FOXP1: variants seen among roughly 807,000 people sequenced by gnomAD.
The protein encoded by FOXP1 is forkhead box P1.
In FOXP1, 15 loss-of-function variants were observed where a neutral mutation model predicts 98.2. The observed-to-expected ratio is 0.15, with a 90% confidence interval of 0.10 to 0.24. The LOEUF (loss-of-function observed/expected upper bound fraction) is 0.24. Ranked by LOEUF, FOXP1 falls within the 10% of genes least tolerant of loss-of-function variation. FOXP1 has a pLI of 1.00. For missense variants in FOXP1, 633 were observed against 848.5 expected, an observed-to-expected ratio of 0.75 and a Z score of 3.15; for synonymous variants, 371 against 314.5, an observed-to-expected ratio of 1.18 and a Z score of -1.90.
chr3:71,168,367 CTTTG>C (rs1421306908), intron 6 of FOXP1, among the ~76,000 whole-genome samples: 1 of 151,998 alleles, frequency 6.6e-6, no homozygotes, highest in East Asian at 1.9e-4. Context: ...AATCTATTAA[CTTTG>C]TTTTCTTTTT....
chr3:71,103,470 G>A (rs560340634), intron 7 of FOXP1, among the ~76,000 whole-genome samples: 2 of 152,274 alleles, frequency 1.3e-5, no homozygotes, highest in South Asian at 2.1e-4. Flanking sequence ...CTGTCTCACC[G>A]TGTTGTGTGG....
At chr3:71,484,600 C>T (rs1324992227) in intron 3 of FOXP1, among the ~76,000 whole-genome samples, 1 of 152,216 alleles carries the variant, frequency 6.6e-6, no homozygotes, top group Non-Finnish European at 1.5e-5. Flanking sequence ...GATGACACCA[C>T]TGTCCCCATT....
intron 7 of FOXP1, chr3:71,065,021 ACACCCCGCGC>A (rs1258826186): frequency 7.2e-6 from 1 of 139,198 alleles, no homozygotes; most frequent in Admixed American, 7.0e-5. Flanking sequence ...CCGCCTCTAA[ACACCCCGCGC>A]CGCGCCGCGC....
At chr3:71,300,634 T>C (rs1257722432) in intron 4 of FOXP1, among the ~76,000 whole-genome samples, 1 of 152,196 alleles carries the variant, frequency 6.6e-6, no homozygotes, top group Non-Finnish European at 1.5e-5. Context: ...GCTGCCTCTT[T>C]CTGCCCATGT....
At chr3:71,578,218 G>A (rs2047879598) in intron 2 of FOXP1, among the ~76,000 whole-genome samples, 1 of 152,194 alleles carries the variant, frequency 6.6e-6, no homozygotes, top group East Asian at 1.9e-4. Context: ...ATTATCGGGA[G>A]AGCAAAGGGC....
At chr3:71,501,160 C>T (rs2041310247) in intron 2 of FOXP1, among the ~76,000 whole-genome samples, 1 of 152,110 alleles carries the variant, frequency 6.6e-6, no homozygotes, top group African/African-American at 2.4e-5. Flanking sequence ...TCTCTGCAGC[C>T]TGGGTGACAG....
chr3:71,168,901 T>C (rs1035505041), intron 6 of FOXP1, among the ~76,000 whole-genome samples: 2 of 152,190 alleles, frequency 1.3e-5, no homozygotes, highest in Non-Finnish European at 2.9e-5. Context: ...TATAGATGGG[T>C]ACAGAGGTAA....
At chr3:71,582,021 G>A in intron 1 of FOXP1, 1 of 978,934 alleles carries the variant, frequency 1.0e-6, no homozygotes, top group Non-Finnish European at 1.2e-6. Context: ...GCAAGGTTTG[G>A]AGTTACAACT....
In FOXP1 at chr3:71,280,384, G is replaced by C. The variant is rs1301783820; in HGVS notation, c.-12+19436C>G. Among the ~76,000 whole-genome samples the C allele has an allele frequency of 2.7e-5, 4 of 150,356 alleles. No individual in the cohort carries two copies. The East Asian group carries it at 7.9e-4, about 30-fold the overall frequency. On this transcript the variant is annotated intron_variant, in intron 5 of 20. Transcript: ENST00000649528. ...CCCCTAGGCTGGAGTGCAGTGGTGC[G>C]ATCTCAGCTCACTGCAACCTCCGCC...
At chr3:71,064,491 T>C (rs1181771093) in intron 7 of FOXP1, among the ~76,000 whole-genome samples, 2 of 150,844 alleles carry the variant, frequency 1.3e-5, no homozygotes, top group Non-Finnish European at 3.0e-5. Flanking sequence ...CAGGACTTCC[T>C]CCAACTCTCA....
At chr3:71,348,166 A>T (rs1346695810) in intron 4 of FOXP1, among the ~76,000 whole-genome samples, 4 of 152,144 alleles carry the variant, frequency 2.6e-5, no homozygotes, top group Non-Finnish European at 5.9e-5. Context: ...TTATTTTCAG[A>T]CCATCATTGA....
At chr3:71,165,403 AT>A (rs1227926500) in intron 6 of FOXP1, among the ~76,000 whole-genome samples, 2 of 152,206 alleles carry the variant, frequency 1.3e-5, no homozygotes, top group African/African-American at 2.4e-5. Context: ...GCCAAAAGGC[AT>A]TTTTAATCAT....
At chr3:71,280,481 C>T (rs573690892) in intron 5 of FOXP1, among the ~76,000 whole-genome samples, 4 of 151,932 alleles carry the variant, frequency 2.6e-5, no homozygotes, top group African/African-American at 7.2e-5. Context: ...CCACCATGCT[C>T]GGCTAATTTT....
intron 7 of FOXP1, among the ~76,000 whole-genome samples, chr3:71,060,108 T>C (rs964253798): frequency 1.3e-5 from 2 of 152,114 alleles, no homozygotes; most frequent in African/African-American, 2.4e-5. Context: ...CATAGGGAGC[T>C]TAACTGCAAA....
At chr3:71,478,924 AG>A (rs1277512584) in intron 3 of FOXP1, among the ~76,000 whole-genome samples, 3 of 152,130 alleles carry the variant, frequency 2.0e-5, no homozygotes, top group Non-Finnish European at 4.4e-5. Context: ...TGTTGAAAGG[AG>A]GGGGGGAGGG....
In FOXP1 at chr3:71,015,605, A is replaced by C. The variant is rs572234022; in HGVS notation, c.918T>G (p.Gly306=). The stretch of plus-strand genomic sequence containing the variant: ...CTTCACAGCCTGGCCACTTGCATAC[A>C]CCATGTCCATAGAGAGGATGGCTAT... ...HPHSHPLYGH[G]VCKWPGCEAV... Residue 306 remains glycine, a synonymous_variant, in exon 12 of 21, where the codon GGT becomes GGG. Coordinates refer to ENST00000649528, the MANE Select transcript of FOXP1 (RefSeq NM_001349338.3). 2 of 1,613,374 alleles carry C rather than the reference A, an allele frequency of 1.2e-6. No homozygotes were observed. Among genetic ancestry groups the C allele is most frequent in the Non-Finnish European group, 1.7e-6 (2 of 1,179,456 alleles).
At chr3:71,177,824 T>C (rs1372535515) in intron 6 of FOXP1, among the ~76,000 whole-genome samples, 1 of 140,580 alleles carries the variant, frequency 7.1e-6, no homozygotes, top group East Asian at 2.0e-4. Context: ...GATAGTTTAT[T>C]TTCTTTTCTT....
intron 7 of FOXP1, chr3:71,064,748 AG>A (rs1178956228): frequency 1.0e-6 from 1 of 961,064 alleles, no homozygotes; most frequent in Non-Finnish European, 1.2e-6. Flanking sequence ...TTCCCCAGCG[AG>A]GCCCCCAGGA....
chr3:71,326,800 G>C (rs1204661295), intron 4 of FOXP1, among the ~76,000 whole-genome samples: 1 of 152,178 alleles, frequency 6.6e-6, no homozygotes, highest in Non-Finnish European at 1.5e-5. Context: ...AGTTGGGAGA[G>C]ATGGACTATG....
Sources: gnomAD v4.1 joint callset for allele counts (sites outside exome capture counted in the v4.1 genomes callset) on GRCh38, gnomAD v4.1.1 for gene constraint, MANE v1.5 for transcripts, NCBI Gene and HGNC (gene_info 2026-07-23, HGNC 2026-07-21) for gene names.